The following MTCL1 variants were observed in gnomAD, a reference collection of about 807,000 sequenced individuals.
MTCL1 encodes the protein microtubule cross-linking factor 1.
Under a neutral mutation model 141.4 loss-of-function variants are expected in MTCL1, and 79 were observed. That is an observed-to-expected ratio of 0.56 (90% CI 0.47 to 0.67). The LOEUF is 0.67. Among genes scored for constraint, MTCL1 ranks in the 30% least tolerant of loss-of-function variants. The probability of loss-of-function intolerance (pLI) is 0.00; values close to 1 mark genes in which losing one functional copy is unlikely to be tolerated. For synonymous variants in MTCL1, 914 were observed against 875.8 expected (o/e 1.04, Z -0.77); for missense variants, 2,177 against 2,113.9 (o/e 1.03, Z -0.59).
chr18:8,809,712 G>A, intron 11 of MTCL1: 1 of 1,248,222 alleles, frequency 8.0e-7, no homozygotes, highest in African/African-American at 1.5e-5. Flanking sequence ...ACGGCTGTCA[G>A]GTTTCTAGTA....
intron 4 of MTCL1, among the ~76,000 whole-genome samples, chr18:8,766,226 C>A (rs748892279): frequency 3.2e-4 from 49 of 152,244 alleles, no homozygotes; most frequent in African/African-American, 1.2e-3. Context: ...GCCTGCGTTT[C>A]AGCAGGGTGT....
intron 4 of MTCL1, among the ~76,000 whole-genome samples, chr18:8,758,118 G>A (rs144331479): frequency 0.026 from 3,953 of 149,292 alleles, 68 homozygotes; most frequent in South Asian, 0.067. Context: ...TCCACCTCCC[G>A]GGTTCAAGCG....
In MTCL1 at chr18:8,726,269, CT is replaced by C. The variant is rs1306676635; in HGVS notation, c.357+5781del. On this transcript the variant is annotated intron_variant, in intron 4 of 16. Coordinates refer to ENST00000359865, the Ensembl canonical transcript of MTCL1. ...TTTGGGTAGTATTGGCTTGGGATAG[CT>C]TTTTTTTCTTTTTTTCTTTTTTTTT... is the stretch of plus-strand genomic sequence containing the variant. 3.3e-5 allele frequency among the ~76,000 whole-genome samples: 4 copies of C among 122,982 alleles called. No homozygotes were observed. The South Asian group carries it at 8.5e-4, about 26-fold the overall frequency. The allele number at this position is 122,982 out of a possible 152,430, so 80.7% of individuals were successfully genotyped here. A position where few individuals can be genotyped will look rare whatever the true frequency, so the allele number is the denominator to read the frequency against.
At chr18:8,746,830 A>AAT (rs2096341271) in intron 4 of MTCL1, among the ~76,000 whole-genome samples, 1 of 152,196 alleles carries the variant, frequency 6.6e-6, no homozygotes, top group Non-Finnish European at 1.5e-5. Flanking sequence ...AACAGTCATG[A>AAT]ATATATACCC....
exon 15 of MTCL1, chr18:8,825,638 G>A: frequency 6.2e-7 from 1 of 1,613,914 alleles, no homozygotes; most frequent in African/African-American, 1.3e-5. Flanking sequence ...CCATCGAGAA[G>A]GTGCAGGCCA....
intron 11 of MTCL1, chr18:8,809,617 C>A: frequency 6.5e-7 from 1 of 1,529,818 alleles, no homozygotes. Context: ...GTGGAGGGCA[C>A]ACACCTGAAA....
intron 11 of MTCL1, among the ~76,000 whole-genome samples, chr18:8,812,428 T>C (rs1381476945): frequency 6.6e-6 from 1 of 152,232 alleles, no homozygotes; most frequent in Non-Finnish European, 1.5e-5. Flanking sequence ...TCTTCTGACT[T>C]GCAAAGTTGC....
exon 1 of MTCL1, chr18:8,706,145 C>T (rs11661625): frequency 0.43 from 522,870 of 1,218,446 alleles, 115,306 homozygotes; most frequent in Non-Finnish European, 0.45. Context: ...GGCCGCAAAG[C>T]CAAGCGCGGC....
Position 8,784,649 on chromosome 18 carries a change from G to A in MTCL1, c.1537G>A (p.Gly513Arg), listed in dbSNP as rs766724340. The A allele has an allele frequency of 1.1e-5, 17 of 1,613,882 alleles. No individual in the cohort carries two copies. The African/African-American group carries it at 1.9e-4, about 18-fold the overall frequency. Residue 513 changes from glycine to arginine, a missense_variant, in exon 6 of 17, where the codon GGG (glycine) becomes AGG (arginine). Gly to Arg is a moderately radical substitution (Grantham distance 125, BLOSUM62 -2). Transcript: ENST00000359865. The stretch of plus-strand genomic sequence containing the variant: ...GGACCAGCAGGAGCCCCAGCTGCTG[G>A]GGACCATCAACGCCAAGATGAAGGC...
At chr18:8,745,666 G>C (rs2096332847) in intron 4 of MTCL1, among the ~76,000 whole-genome samples, 1 of 152,158 alleles carries the variant, frequency 6.6e-6, no homozygotes, top group South Asian at 2.1e-4. Flanking sequence ...GTGTTCCCAG[G>C]AGTAGATGTG....
In MTCL1 at chr18:8,828,868, C is replaced by T. The variant is rs1433056384; in HGVS notation, c.4723-40C>T. ...TCCTGTTTAAAAAACACTTTCCAACCTTCTTGCTTTTCTTTTCTTTCTCTG... is the reference window on the plus strand; with the variant it reads ...TCCTGTTTAAAAAACACTTTCCAACTTTCTTGCTTTTCTTTTCTTTCTCTG... On this transcript the variant is annotated intron_variant, in intron 15 of 16. Coordinates refer to ENST00000359865, the Ensembl canonical transcript of MTCL1. The surrounding 1 kb of genome is among the most constrained non-coding windows in gnomAD (Gnocchi z 5.2). The T allele has an allele frequency of 1.9e-6, 3 of 1,613,684 alleles. No homozygotes were observed. The highest frequency in any genetic ancestry group is 1.7e-6 in the Non-Finnish European group (2 of 1,180,008).
intron 4 of MTCL1, among the ~76,000 whole-genome samples, chr18:8,763,426 A>G (rs1044169963): frequency 9.2e-5 from 14 of 152,350 alleles, no homozygotes; most frequent in African/African-American, 3.1e-4. Context: ...ATGCCAGTTC[A>G]CTTCCAAAGA....
chr18:8,815,418 A>C (rs528536976), intron 12 of MTCL1, among the ~76,000 whole-genome samples: 1 of 152,068 alleles, frequency 6.6e-6, no homozygotes. Flanking sequence ...GGAATTGAAC[A>C]GTGAGATCAC....
rs570814172 is a variant in MTCL1, at chr18:8,731,870, G to A, written c.357+11374G>A. Among the ~76,000 whole-genome samples the A allele has an allele frequency of 2.5e-3, 373 of 151,910 alleles. 1 individual carries two copies. The highest frequency in any genetic ancestry group is 6.8e-3 in the Middle Eastern group (2 of 294). On this transcript the variant is annotated intron_variant, in intron 4 of 16. Coordinates refer to ENST00000359865, the Ensembl canonical transcript of MTCL1. Reference sequence around the variant, plus strand: ...ATTACAGGTGTGCACCACCACACCTGGCTAATTTTTGTATTTTCAGTAGAG... The same window carrying A: ...ATTACAGGTGTGCACCACCACACCTAGCTAATTTTTGTATTTTCAGTAGAG...
At chr18:8,776,960 C>T (rs577377137) in intron 4 of MTCL1, among the ~76,000 whole-genome samples, 1 of 152,144 alleles carries the variant, frequency 6.6e-6, no homozygotes, top group South Asian at 2.1e-4. Context: ...TGTGGCTGGG[C>T]GTGGTGGCTC....
rs367931106 is a variant in MTCL1, at chr18:8,825,857, C to T, written c.4347C>T (p.Ile1449=). 1.9e-6 allele frequency: 3 copies of T among 1,614,082 alleles called. No homozygotes were observed. The African/African-American group carries it at 4.0e-5, about 22-fold the overall frequency. The stretch of plus-strand genomic sequence containing the variant: ...ATGGCCTCTCCAGCCTCTTCAACAT[C>T]ATTGACCACAGCCCCGTGGTGCAGG... Residue 1449 remains isoleucine (I), a synonymous_variant, in exon 15 of 17, where the codon ATC becomes ATT. Coordinates refer to ENST00000359865, the Ensembl canonical transcript of MTCL1.
intron 4 of MTCL1, among the ~76,000 whole-genome samples, chr18:8,741,780 A>C (rs762694701): frequency 6.6e-6 from 1 of 152,236 alleles, no homozygotes; most frequent in Non-Finnish European, 1.5e-5. Context: ...GAACTCATCA[A>C]ATCAACTTAA....
chr18:8,775,501 A>T (rs2096503822), intron 4 of MTCL1, among the ~76,000 whole-genome samples: 1 of 151,586 alleles, frequency 6.6e-6, no homozygotes, highest in South Asian at 2.1e-4. Context: ...TGAACCGGGG[A>T]GGCAGAGGTT....
chr18:8,783,278 A>T (rs2143495489), intron 5 of MTCL1, among the ~76,000 whole-genome samples: 1 of 150,634 alleles, frequency 6.6e-6, no homozygotes, highest in South Asian at 2.1e-4. Context: ...TTCCAAACTA[A>T]TTTTTTTTTG....
Sources: gnomAD v4.1 joint callset for allele counts (sites outside exome capture counted in the v4.1 genomes callset) on GRCh38, gnomAD v4.1.1 for gene constraint, Gnocchi (gnomAD v3.1) non-coding constraint, MANE v1.5 for transcripts, NCBI Gene and HGNC (gene_info 2026-07-23, HGNC 2026-07-21) for gene names.